Variants in SAMD5 observed in about 807,000 individuals in gnomAD.
The protein encoded by SAMD5 is sterile alpha motif domain-containing protein 5.
Under a neutral mutation model 11.3 loss-of-function variants are expected in SAMD5, and 13 were observed. The ratio of observed to expected loss-of-function variants is 1.15; its 90% CI spans 0.75 to 1.83. The LOEUF is 1.83. Ranked by LOEUF, SAMD5 falls within the 40% of genes most tolerant of loss-of-function variation. SAMD5 has a pLI of 0.00. For missense variants in SAMD5, 255 were observed against 239.1 expected, an observed-to-expected ratio of 1.07 and a Z score of -0.44; for synonymous variants, 129 against 111.3, an observed-to-expected ratio of 1.16 and a Z score of -1.00.
chr6:147,909,036 A>G, the SAMD5 span, among the ~76,000 whole-genome samples: 5 of 152,110 alleles, frequency 3.3e-5, no homozygotes, highest in African/African-American at 1.2e-4. Flanking sequence ...TAGAGAGACT[A>G]TGTCTCTACA....
chr6:147,769,269 T>C, the SAMD5 span, among the ~76,000 whole-genome samples: 2 of 152,388 alleles, frequency 1.3e-5, no homozygotes, highest in East Asian at 3.9e-4. Context: ...ACGAATCAAG[T>C]GCTCCCCAGC....
At chr6:147,796,323 A>G in the SAMD5 span, among the ~76,000 whole-genome samples, 2 of 151,990 alleles carry the variant, frequency 1.3e-5, no homozygotes, top group African/African-American at 4.8e-5. Context: ...TTAAATAGGG[A>G]ATCCTTTCCC....
At position 147,508,788 on chromosome 6, in the gene SAMD5, C is replaced by A; in HGVS notation, c.-141C>A. ...TTCTGATGGTTTTCCGTCTCCTGCC[C>A]GAGCCTTTCCTTTAAAAGGAAAACT... On this transcript the variant is annotated 5_prime_UTR_variant, in exon 1 of 2. Coordinates refer to ENST00000367474, the MANE Select transcript of SAMD5 (RefSeq NM_001030060.3). 1 of 1,311,010 alleles carries A rather than the reference C, an allele frequency of 7.6e-7. No homozygotes were observed. Among genetic ancestry groups the A allele is most frequent in the South Asian group, 1.6e-5 (1 of 62,700 alleles). 81.2% of individuals were successfully genotyped at this position (1,311,010 alleles called of 1,614,324 possible). A position where few individuals can be genotyped will look rare whatever the true frequency, so the allele number is the denominator to read the frequency against.
intron 1 of SAMD5, among the ~76,000 whole-genome samples, chr6:147,732,443 C>G (rs1791729645): frequency 6.6e-6 from 1 of 152,114 alleles, no homozygotes; most frequent in African/African-American, 2.4e-5. Context: ...ATATCATCTG[C>G]AGAAAATAGG....
At chr6:147,593,026 G>T (rs954984909) in intron 1 of SAMD5, among the ~76,000 whole-genome samples, 1 of 136,452 alleles carries the variant, frequency 7.3e-6, no homozygotes. Flanking sequence ...TACTGCAGAG[G>T]TAATTAAGGT....
the SAMD5 span, among the ~76,000 whole-genome samples, chr6:147,822,013 A>G: frequency 1.3e-5 from 2 of 152,210 alleles, no homozygotes; most frequent in African/African-American, 4.8e-5. Flanking sequence ...TGTTAACTCA[A>G]AAATGCATTA....
rs144283993 is a variant in SAMD5, at chr6:147,715,983, A to G, written c.163-21334A>G. 8.5e-5 allele frequency among the ~76,000 whole-genome samples: 13 copies of G among 152,244 alleles called. No homozygotes were observed. The East Asian group carries it at 2.1e-3, about 25-fold the overall frequency. ...CATGAGTAGGCCTGGAAAAAGCACC[A>G]TAAGTTCCCACTCTGGTCCATGGGA... is the stretch of plus-strand genomic sequence containing the variant. On this transcript the variant is annotated intron_variant, in intron 1 of 1. Transcript: ENST00000566741.
chr6:147,566,931 C>A lies in SAMD5; in HGVS notation c.*2475C>A, dbSNP rs1285478162. 1.1e-6 allele frequency: 1 copy of A among 883,006 alleles called. No individual in the cohort carries two copies. Among genetic ancestry groups the A allele is most frequent in the Admixed American group, 6.2e-5 (1 of 16,146 alleles). 54.7% of individuals were successfully genotyped at this position (883,006 alleles called of 1,614,324 possible). On this transcript the variant is annotated 3_prime_UTR_variant, in exon 2 of 2. Transcript: ENST00000367474. ...TTTTTTCAGCGTTTTTCCTCTGTAT[C>A]TAAACACCAATAATATACTTAATTT...
intron 1 of SAMD5, among the ~76,000 whole-genome samples, chr6:147,663,719 G>C (rs949087317): frequency 2.4e-4 from 36 of 150,774 alleles, no homozygotes; most frequent in African/African-American, 7.6e-4. Context: ...TTGAACCCGG[G>C]GGGCAGAGGT....
At chr6:147,925,083 T>C in the SAMD5 span, among the ~76,000 whole-genome samples, 1 of 152,226 alleles carries the variant, frequency 6.6e-6, no homozygotes, top group African/African-American at 2.4e-5. Flanking sequence ...TGAATGCTTA[T>C]GTTCCTGCAA....
the SAMD5 span, among the ~76,000 whole-genome samples, chr6:147,870,290 A>G: frequency 6.6e-6 from 1 of 151,946 alleles, no homozygotes; most frequent in Non-Finnish European, 1.5e-5. Flanking sequence ...GGCCGGAAGA[A>G]TCCTTCCCAC....
the SAMD5 span, among the ~76,000 whole-genome samples, chr6:147,881,862 C>T: frequency 1.3e-5 from 2 of 152,176 alleles, no homozygotes; most frequent in Non-Finnish European, 2.9e-5. Context: ...TGGCTTCGAT[C>T]TGGGGGGATC....
At chr6:147,890,280 A>G in the SAMD5 span, among the ~76,000 whole-genome samples, 1 of 152,174 alleles carries the variant, frequency 6.6e-6, no homozygotes, top group South Asian at 2.1e-4. Context: ...AGAAATATAC[A>G]TAGCTAAAAT....
the SAMD5 span, among the ~76,000 whole-genome samples, chr6:147,951,567 A>G: frequency 6.6e-6 from 1 of 152,174 alleles, no homozygotes; most frequent in Non-Finnish European, 1.5e-5. Flanking sequence ...AAGCACATCA[A>G]AATGTGTCTA....
At chr6:147,872,964 C>T in the SAMD5 span, among the ~76,000 whole-genome samples, 2 of 152,168 alleles carry the variant, frequency 1.3e-5, no homozygotes, top group East Asian at 1.9e-4. Flanking sequence ...TCGGGGCCAT[C>T]GTAGTGCCTT....
chr6:147,575,609 C>T (rs368597658), intron 1 of SAMD5, among the ~76,000 whole-genome samples: 12 of 152,292 alleles, frequency 7.9e-5, no homozygotes, highest in South Asian at 2.1e-4. Flanking sequence ...CAAGGAAATT[C>T]GGACCATCCA....
chr6:147,703,841 A>G (rs2128458003), intron 1 of SAMD5, among the ~76,000 whole-genome samples: 1 of 152,278 alleles, frequency 6.6e-6, no homozygotes, highest in African/African-American at 2.4e-5. Context: ...TTGAAAATCT[A>G]GTATCTAGAA....
the SAMD5 span, among the ~76,000 whole-genome samples, chr6:147,909,172 A>G: frequency 6.6e-6 from 1 of 152,208 alleles, no homozygotes; most frequent in South Asian, 2.1e-4. Context: ...TTGCGCCACC[A>G]CACGCCAGCC....
chr6:147,620,380 G>A (rs947618139), intron 1 of SAMD5, among the ~76,000 whole-genome samples: 6 of 152,122 alleles, frequency 3.9e-5, no homozygotes, highest in Admixed American at 2.0e-4. Context: ...TCTATTTAGC[G>A]CTGCTCTCAC....
Sources: allele counts gnomAD v4.1 joint callset (sites outside exome capture counted in the v4.1 genomes callset), GRCh38; gene constraint gnomAD v4.1.1; transcripts MANE v1.5; gene names NCBI Gene and HGNC (gene_info 2026-07-23, HGNC 2026-07-21).